The following XRCC4 variants were observed in gnomAD, a reference collection of about 807,000 sequenced individuals.
The protein encoded by XRCC4 is X-ray repair cross complementing 4.
XRCC4 carries 28 observed loss-of-function variants against 39.1 expected under a neutral mutation model. That is an observed-to-expected ratio of 0.72 (90% CI 0.53 to 0.98). The LOEUF (loss-of-function observed/expected upper bound fraction) is 0.98, where lower values mean the gene tolerates loss of function less well. Among genes scored for constraint, XRCC4 ranks in the 50% least tolerant of loss-of-function variants. The probability of loss-of-function intolerance (pLI) is 0.00; values close to 1 mark genes in which losing one functional copy is unlikely to be tolerated. For missense variants in XRCC4, 350 were observed against 376.4 expected (o/e 0.93, Z 0.58); for synonymous variants, 123 against 126.4 (o/e 0.97, Z 0.18).
intron 3 of XRCC4, among the ~76,000 whole-genome samples, chr5:83,144,946 A>T (rs541862896): frequency 1.6e-3 from 247 of 152,254 alleles, no homozygotes; most frequent in Non-Finnish European, 2.5e-3. Flanking sequence ...CCCAGGCTGG[A>T]GTGCAGTGGT....
chr5:83,089,204 G>A (rs1341444567), intron 1 of XRCC4, among the ~76,000 whole-genome samples: 1 of 152,144 alleles, frequency 6.6e-6, no homozygotes. Context: ...TCAAATGTTG[G>A]AGAGGCCAGC....
At chr5:83,116,602 C>T (rs1362789816) in intron 3 of XRCC4, among the ~76,000 whole-genome samples, 3 of 139,048 alleles carry the variant, frequency 2.2e-5, no homozygotes, top group African/African-American at 8.0e-5. Flanking sequence ...ACCAGTTTCT[C>T]TCTCTCTTTT....
intron 3 of XRCC4, among the ~76,000 whole-genome samples, chr5:83,139,686 A>G (rs1378649275): frequency 1.3e-5 from 2 of 152,248 alleles, no homozygotes; most frequent in Non-Finnish European, 2.9e-5. Context: ...TATAGTATGT[A>G]TAGCCTGTTG....
chr5:83,362,508 G>T, the XRCC4 span, among the ~76,000 whole-genome samples: 2 of 152,052 alleles, frequency 1.3e-5, no homozygotes, highest in Non-Finnish European at 2.9e-5. Context: ...ATTACCAAAG[G>T]CTATGTGTAT....
chr5:83,256,379 A>G (rs1416712851), intron 6 of XRCC4, among the ~76,000 whole-genome samples: 1 of 152,204 alleles, frequency 6.6e-6, no homozygotes, highest in Non-Finnish European at 1.5e-5. Flanking sequence ...TGGAATTCTG[A>G]AATGAATGGC....
At chr5:83,282,327 A>G (rs1172562242) in intron 7 of XRCC4, among the ~76,000 whole-genome samples, 2 of 152,180 alleles carry the variant, frequency 1.3e-5, no homozygotes, top group African/African-American at 2.4e-5. Context: ...GCAAAAAAAA[A>G]GAAGCAATGT....
chr5:83,322,239 G>A (rs1756099708), intron 7 of XRCC4, among the ~76,000 whole-genome samples: 1 of 151,808 alleles, frequency 6.6e-6, no homozygotes, highest in Admixed American at 6.6e-5. Context: ...TACTATGTAT[G>A]CCATTAAAAA....
chr5:83,113,348 G>T (rs1009015621), intron 3 of XRCC4, among the ~76,000 whole-genome samples: 1 of 152,198 alleles, frequency 6.6e-6, no homozygotes, highest in Non-Finnish European at 1.5e-5. Context: ...CTGTGGCTTT[G>T]CAGGGTACAG....
intron 1 of XRCC4, among the ~76,000 whole-genome samples, chr5:83,081,347 G>A (rs894781332): frequency 6.6e-6 from 1 of 151,910 alleles, no homozygotes; most frequent in African/African-American, 2.4e-5. Context: ...CTTATCCTCA[G>A]CTAGCCTCCC....
rs530078194 is a variant in XRCC4 at position 83,133,686 on chromosome 5, G to C, written c.315+22483G>C. Among the ~76,000 whole-genome samples, 8 of 152,306 alleles carry C rather than the reference G, an allele frequency of 5.3e-5. No individual in the cohort carries two copies. The South Asian group carries it at 1.7e-3, about 32-fold the overall frequency. ...GCTCCATGGGCATGGGACTCTCCAA[G>C]CCAGGCGTGGGATATAATCTCCCAG... On this transcript the variant is annotated intron_variant, in intron 3 of 7. Coordinates refer to ENST00000396027, the MANE Select transcript of XRCC4 (RefSeq NM_003401.5).
At chr5:83,362,597 T>G in the XRCC4 span, among the ~76,000 whole-genome samples, 3 of 152,134 alleles carry the variant, frequency 2.0e-5, no homozygotes, top group Non-Finnish European at 4.4e-5. Context: ...CAAACACTAG[T>G]GTTTTCTTGA....
chr5:83,277,026 TA>T (rs1754359126), intron 7 of XRCC4, among the ~76,000 whole-genome samples: 1 of 152,152 alleles, frequency 6.6e-6, no homozygotes, highest in East Asian at 1.9e-4. Flanking sequence ...TAAGAGGACA[TA>T]ATTTATTTAT....
At chr5:83,370,635 T>C in the XRCC4 span, among the ~76,000 whole-genome samples, 1 of 152,272 alleles carries the variant, frequency 6.6e-6, no homozygotes, top group South Asian at 2.1e-4. Context: ...CTTCTTCAAC[T>C]TGGTGTGTGT....
At chr5:83,217,116 G>T (rs984951567) in intron 6 of XRCC4, among the ~76,000 whole-genome samples, 5 of 152,032 alleles carry the variant, frequency 3.3e-5, no homozygotes, top group Non-Finnish European at 7.4e-5. Flanking sequence ...TGCATTGGGA[G>T]GACAAGGCGG....
rs189985991 is a variant in XRCC4 at position 83,105,408 on chromosome 5, G to C, written c.139+350G>C. Among the ~76,000 whole-genome samples, 5 of 152,270 alleles carry C rather than the reference G, an allele frequency of 3.3e-5. 1 individual carries two copies. The highest frequency in any genetic ancestry group is 3.4e-3 in the Middle Eastern group (1 of 294). Reference sequence around the variant, plus strand: ...TGGGGCAGAGGAAGGAGATTGGTTAGGTAAATGGGTATGTGTGTTGCCTTG... The same window carrying C: ...TGGGGCAGAGGAAGGAGATTGGTTACGTAAATGGGTATGTGTGTTGCCTTG... On this transcript the variant is annotated intron_variant, in intron 2 of 7. Transcript: ENST00000396027.
the XRCC4 span, among the ~76,000 whole-genome samples, chr5:83,366,440 C>T: frequency 1.3e-5 from 2 of 152,142 alleles, no homozygotes; most frequent in African/African-American, 4.8e-5. Flanking sequence ...TGAGCTAAAA[C>T]AAGTTAGTAT....
chr5:83,124,429 C>A (rs1289225212), intron 3 of XRCC4, among the ~76,000 whole-genome samples: 2 of 152,106 alleles, frequency 1.3e-5, no homozygotes, highest in African/African-American at 4.8e-5. Flanking sequence ...TCCACCAAAT[C>A]GTTGAATGTA....
At position 83,161,879 on chromosome 5, in the gene XRCC4, A is replaced by G. The variant is rs114631475; in HGVS notation, c.316-33891A>G. ...GTTATCTCAAATTCTGGTTTGGCAT[A>G]TGCCTTTAAAATGTTATTCAATCTT... On this transcript the variant is annotated intron_variant, in intron 3 of 7. Coordinates refer to ENST00000396027, the MANE Select transcript of XRCC4 (RefSeq NM_003401.5). Among the ~76,000 whole-genome samples the G allele has an allele frequency of 3.2e-3, 494 of 152,324 alleles. 2 individuals carry two copies. Among genetic ancestry groups the G allele is most frequent in the African/African-American group, 0.011 (471 of 41,560 alleles).
In XRCC4 at chr5:83,187,202, C is replaced by A. The variant is rs1262743695; in HGVS notation, c.316-8568C>A. On this transcript the variant is annotated intron_variant, in intron 3 of 7. Transcript: ENST00000396027. ...TCATGATCCGCCCGCCTCTGCCTCC[C>A]AAAGTGCTGGGATTACAGGCGTGAG... 4.4e-5 allele frequency among the ~76,000 whole-genome samples: 2 copies of A among 45,788 alleles called. 1 individual carries two copies. The highest frequency in any genetic ancestry group is 1.0e-4 in the Non-Finnish European group (2 of 19,842). 30.0% of individuals were successfully genotyped at this position (45,788 alleles called of 152,430 possible). A position where few individuals can be genotyped will look rare whatever the true frequency, so the allele number is the denominator to read the frequency against.
Sources: gnomAD v4.1 joint callset for allele counts (sites outside exome capture counted in the v4.1 genomes callset) on GRCh38, gnomAD v4.1.1 for gene constraint, MANE v1.5 for transcripts, NCBI Gene and HGNC (gene_info 2026-07-23, HGNC 2026-07-21) for gene names.